The following EYS variants were observed in gnomAD, a reference collection of about 807,000 sequenced individuals.
The protein encoded by EYS is EGF-like photoreceptor maintenance factor, also known as protein eyes shut homolog.
A neutral mutation model predicts 282.1 loss-of-function variants in EYS; 250 were observed. That is an observed-to-expected ratio of 0.89 (90% CI 0.80 to 0.98). EYS has a LOEUF of 0.98. Ranked by LOEUF, EYS falls within the 50% of genes least tolerant of loss-of-function variation. The pLI is 0.00. For synonymous variants in EYS, 1,355 were observed against 1,282.9 expected (o/e 1.06, Z -1.20); for missense variants, 4,016 against 3,709.0 (o/e 1.08, Z -2.15).
At chr6:64,079,964 A>G (rs1398581426) in intron 32 of EYS, among the ~76,000 whole-genome samples, 2 of 152,276 alleles carry the variant, frequency 1.3e-5, no homozygotes, top group Non-Finnish European at 2.9e-5. Flanking sequence ...AATCCAGTCT[A>G]TCATTGTTGG....
At chr6:64,412,152 A>G (rs1289207281) in intron 28 of EYS, among the ~76,000 whole-genome samples, 1 of 151,856 alleles carries the variant, frequency 6.6e-6, no homozygotes, top group Non-Finnish European at 1.5e-5. Context: ...ATTAAAATCT[A>G]TATATCAAAA....
At chr6:65,212,216 T>A (rs1238770851) in intron 12 of EYS, among the ~76,000 whole-genome samples, 1 of 151,926 alleles carries the variant, frequency 6.6e-6, no homozygotes, top group Non-Finnish European at 1.5e-5. Flanking sequence ...ACAATTTGAG[T>A]ACTATACAAG....
chr6:65,439,531 C>G (rs866264810), intron 5 of EYS, among the ~76,000 whole-genome samples: 33 of 152,014 alleles, frequency 2.2e-4, no homozygotes, highest in Non-Finnish European at 2.4e-4. Flanking sequence ...TCGTTGAGCA[C>G]TGGTTTGTAG....
chr6:65,620,384 T>C (rs187141415), intron 2 of EYS, among the ~76,000 whole-genome samples: 101 of 152,192 alleles, frequency 6.6e-4, no homozygotes, highest in African/African-American at 2.2e-3. Flanking sequence ...TGTATTTGTG[T>C]GGGATCGGTG....
At chr6:64,993,783 G>A (rs936912749) in intron 14 of EYS, among the ~76,000 whole-genome samples, 4 of 149,670 alleles carry the variant, frequency 2.7e-5, no homozygotes, top group African/African-American at 9.8e-5. Context: ...ACCATATGGT[G>A]GATGAAAGTA....
In EYS at chr6:64,591,529, A is replaced by C; in HGVS notation, c.4338T>G (p.Arg1446=). The C allele has an allele frequency of 6.4e-7, 1 of 1,551,358 alleles. No individual in the cohort carries two copies. The highest frequency in any genetic ancestry group is 8.7e-7 in the Non-Finnish European group (1 of 1,146,776). Residue 1446 remains arginine, a synonymous_variant, in exon 26 of 43, where the codon CGT becomes CGG. Coordinates refer to ENST00000503581, the MANE Select transcript of EYS (RefSeq NM_001142800.2). ...TGGAGGCAGCTATAAGCAGGAATCC[A>C]CGGGAGAGTAATGACTGCCTGTTTA... ...IELNRQSLLS[R]GFLLIAASIS...
chr6:65,219,087 G>T (rs79558388), intron 12 of EYS, among the ~76,000 whole-genome samples: 2,075 of 152,110 alleles, frequency 0.014, 30 homozygotes, highest in African/African-American at 0.042. Context: ...TCCAAATTTT[G>T]CATGATTTGA....
chr6:64,591,112 T>A lies in EYS; in HGVS notation c.4755A>T (p.Thr1585=). 1.9e-6 allele frequency: 3 copies of A among 1,551,334 alleles called. No individual in the cohort carries two copies. Among genetic ancestry groups the A allele is most frequent in the Middle Eastern group, 1.7e-4 (1 of 5,992 alleles). The change falls in exon 26 of 43, where the codon ACA becomes ACT. Residue 1585 remains threonine (T), a synonymous_variant. Coordinates refer to ENST00000503581, the MANE Select transcript of EYS (RefSeq NM_001142800.2). The part of the protein sequence containing the change: ...LHSKQSHFYE[T]FWMNSAILAS... ...CTAATATCGCTGAGTTCATCCAGAA[T>A]GTCTCATAAAAGTGGGACTGTTTGC...
intron 8 of EYS, among the ~76,000 whole-genome samples, chr6:65,361,209 T>G (rs1339905442): frequency 6.6e-6 from 1 of 151,888 alleles, no homozygotes; most frequent in Non-Finnish European, 1.5e-5. Context: ...CGGGGCCTGT[T>G]GTGAGGTGGG....
At chr6:65,385,248 A>G (rs1765756161) in intron 7 of EYS, among the ~76,000 whole-genome samples, 1 of 151,954 alleles carries the variant, frequency 6.6e-6, no homozygotes, top group Non-Finnish European at 1.5e-5. Context: ...TCATGACTTT[A>G]AGTTGGTAGA....
intron 31 of EYS, among the ~76,000 whole-genome samples, chr6:64,186,487 T>C (rs1045982733): frequency 6.6e-6 from 1 of 152,194 alleles, no homozygotes; most frequent in African/African-American, 2.4e-5. Context: ...TAATTCAGCC[T>C]CTAGCACCTA....
chr6:64,773,416 G>A (rs746804484), intron 22 of EYS, among the ~76,000 whole-genome samples: 2 of 151,712 alleles, frequency 1.3e-5, no homozygotes, highest in South Asian at 2.1e-4. Flanking sequence ...TTTTGCCACC[G>A]TGAATATTGC....
At chr6:65,177,484 G>A in intron 12 of EYS, among the ~76,000 whole-genome samples, 1 of 151,678 alleles carries the variant, frequency 6.6e-6, no homozygotes, top group East Asian at 1.9e-4. Context: ...TATATTTCAG[G>A]ATTGTTTGTA....
At chr6:64,290,071 G>A (rs1922958) in intron 30 of EYS, among the ~76,000 whole-genome samples, 107,814 of 151,836 alleles carry the variant, frequency 0.71, 38,402 homozygotes, top group African/African-American at 0.77. Context: ...AGGCCAAGGA[G>A]GTTTTCTCTC....
At chr6:65,134,490 G>T (rs532476242) in intron 12 of EYS, among the ~76,000 whole-genome samples, 1 of 151,982 alleles carries the variant, frequency 6.6e-6, no homozygotes, top group South Asian at 2.1e-4. Context: ...GCAAACTAGC[G>T]CAGGAACAGA....
intron 19 of EYS, among the ~76,000 whole-genome samples, chr6:64,847,762 T>C (rs1355109549): frequency 6.6e-6 from 1 of 152,046 alleles, no homozygotes; most frequent in East Asian, 1.9e-4. Context: ...ATTCCAGTTA[T>C]TTTCCCTTTT....
At chr6:65,415,987 G>T (rs1017277205) in intron 5 of EYS, among the ~76,000 whole-genome samples, 6 of 151,908 alleles carry the variant, frequency 3.9e-5, no homozygotes, top group African/African-American at 1.2e-4. Context: ...TTTGCAGGGG[G>T]TTACAACGCG....
chr6:64,003,660 G>T (rs1258554225), intron 33 of EYS, among the ~76,000 whole-genome samples: 2 of 151,950 alleles, frequency 1.3e-5, no homozygotes, highest in African/African-American at 4.8e-5. Context: ...ATTGCTTTTT[G>T]GTATTCTCTG....
chr6:65,697,728 T>C (rs936539523), intron 1 of EYS, among the ~76,000 whole-genome samples: 3 of 152,094 alleles, frequency 2.0e-5, no homozygotes, highest in Admixed American at 6.6e-5. Flanking sequence ...AGTTTTAAAA[T>C]TAGACGATGG....
Sources: allele counts gnomAD v4.1 joint callset (sites outside exome capture counted in the v4.1 genomes callset), GRCh38; gene constraint gnomAD v4.1.1; transcripts MANE v1.5; gene names NCBI Gene and HGNC (gene_info 2026-07-23, HGNC 2026-07-21).